The following SRGAP2C variants were observed in gnomAD, a reference collection of about 807,000 sequenced individuals.
SRGAP2C encodes the protein SLIT-ROBO Rho GTPase activating protein 2C, also known as SLIT-ROBO Rho GTPase-activating protein 2C.
SRGAP2C carries 15 observed loss-of-function variants against 25.1 expected under a neutral mutation model. The observed-to-expected ratio is 0.60, with a 90% CI of 0.40 to 0.92. The LOEUF (loss-of-function observed/expected upper bound fraction) is 0.92. Among genes scored for constraint, SRGAP2C ranks in the 40% least tolerant of loss-of-function variants. The pLI, the probability that SRGAP2C is intolerant of heterozygous loss-of-function variation, is 0.00. For synonymous variants in SRGAP2C, 44 were observed against 96.6 expected, an observed-to-expected ratio of 0.46 and a Z score of 3.19; for missense variants, 144 against 264.4, an observed-to-expected ratio of 0.54 and a Z score of 3.16.
chr1:121,250,722 G>A (rs1553331307), intron 2 of SRGAP2C, among the ~76,000 whole-genome samples: 1 of 93,510 alleles, frequency 1.1e-5, no homozygotes. Context: ...TGAAACAAGA[G>A]TGCATCCTAT....
At chr1:121,331,046 TAGGCATCTACCCAAG>T (rs1658417550) in intron 4 of SRGAP2C, among the ~76,000 whole-genome samples, 1 of 8,824 alleles carries the variant, frequency 1.1e-4, no homozygotes, top group Non-Finnish European at 1.7e-4. Flanking sequence ...CAGGTATTTA[TAGGCATCTACCCAAG>T]AGAAATAAAA....
chr1:121,339,428 G>GT (rs1265745037), intron 4 of SRGAP2C, among the ~76,000 whole-genome samples: 6 of 148,780 alleles, frequency 4.0e-5, no homozygotes, highest in Non-Finnish European at 8.9e-5. Flanking sequence ...AGTTTTTTGT[G>GT]TTTTTTTAGT....
intron 4 of SRGAP2C, among the ~76,000 whole-genome samples, chr1:121,334,756 A>T (rs1256709263): frequency 1.3e-5 from 2 of 150,630 alleles, no homozygotes; most frequent in Non-Finnish European, 2.9e-5. Flanking sequence ...TAATATCCAG[A>T]CAATCCCTGA....
At chr1:121,191,582 G>T (rs1476864235) in intron 2 of SRGAP2C, among the ~76,000 whole-genome samples, 2 of 148,792 alleles carry the variant, frequency 1.3e-5, no homozygotes. Context: ...TTGGCCTCTA[G>T]CCTGTTAGCT....
At chr1:121,321,767 C>A (rs1358655732) in intron 3 of SRGAP2C, among the ~76,000 whole-genome samples, 2 of 152,002 alleles carry the variant, frequency 1.3e-5, no homozygotes, top group Non-Finnish European at 1.5e-5. Flanking sequence ...ATTTCTACTT[C>A]CAGCCATCCT....
At chr1:121,222,354 C>T (rs587632493) in intron 2 of SRGAP2C, among the ~76,000 whole-genome samples, 41 of 152,128 alleles carry the variant, frequency 2.7e-4, no homozygotes, top group East Asian at 2.1e-3. Flanking sequence ...TTTGGGTTGG[C>T]GCTGTGGCTC....
chr1:121,321,859 G>T (rs1301266911), intron 3 of SRGAP2C, among the ~76,000 whole-genome samples: 2 of 152,216 alleles, frequency 1.3e-5, no homozygotes, highest in Admixed American at 6.5e-5. Context: ...TTCCCATGGT[G>T]TTAGGTTGAT....
intron 2 of SRGAP2C, among the ~76,000 whole-genome samples, chr1:121,198,640 C>A (rs1330354040): frequency 1.4e-5 from 2 of 145,332 alleles, no homozygotes; most frequent in Non-Finnish European, 3.0e-5. Context: ...ACATTGAAAT[C>A]CCTTAGAAAT....
intron 4 of SRGAP2C, among the ~76,000 whole-genome samples, chr1:121,328,965 G>T (rs1553341940): frequency 7.6e-6 from 1 of 131,200 alleles, no homozygotes; most frequent in African/African-American, 2.8e-5. Context: ...TAATCGCAGC[G>T]CTTTGGGAGG....
At chr1:121,370,709 G>A (rs587598585) in intron 5 of SRGAP2C, among the ~76,000 whole-genome samples, 1 of 152,122 alleles carries the variant, frequency 6.6e-6, no homozygotes, top group South Asian at 2.1e-4. Flanking sequence ...CTCCCAAAGT[G>A]CTGGGATTAC....
chr1:121,377,356 C>G (rs1659694885), intron 7 of SRGAP2C, among the ~76,000 whole-genome samples: 1 of 72,414 alleles, frequency 1.4e-5, no homozygotes, highest in South Asian at 3.7e-4. Context: ...GCAAGCTCCA[C>G]CTCCCAGGTT....
chr1:121,286,080 C>G (rs1657359402), intron 3 of SRGAP2C, among the ~76,000 whole-genome samples: 1 of 152,142 alleles, frequency 6.6e-6, no homozygotes, highest in South Asian at 2.1e-4. Flanking sequence ...GGCCCCCATG[C>G]AGCCCACAGG....
chr1:121,289,377 C>G lies in SRGAP2C; in HGVS notation c.260+4382C>G, dbSNP rs1302372282. On this transcript the variant is annotated intron_variant, in intron 3 of 9. Coordinates refer to ENST00000367123, the MANE Select transcript of SRGAP2C (RefSeq NM_001329984.2). Reference sequence around the variant, plus strand: ...TAAGTCCCCCATTGCCCGGGGCCAGCAGGGCTGGCTGGCTGCTCCGAGTGC... The same window carrying G: ...TAAGTCCCCCATTGCCCGGGGCCAGGAGGGCTGGCTGGCTGCTCCGAGTGC... Among the ~76,000 whole-genome samples, 3 of 151,952 alleles carry G rather than the reference C, an allele frequency of 2.0e-5. No individual in the cohort carries two copies. The East Asian group carries it at 6.0e-4, about 30-fold the overall frequency.
chr1:121,285,058 G>C, intron 3 of SRGAP2C, 63 bp downstream of exon 3: 1 of 684,240 alleles, frequency 1.5e-6, no homozygotes, highest in South Asian at 2.2e-5. Context: ...GTGGAGGGGG[G>C]CAGGGTATGC....
intron 2 of SRGAP2C, among the ~76,000 whole-genome samples, chr1:121,188,400 C>T (rs1274452792): frequency 6.6e-6 from 1 of 151,356 alleles, no homozygotes; most frequent in Non-Finnish European, 1.5e-5. Flanking sequence ...GTTTTTTAAA[C>T]CAGCAATTCC....
chr1:121,357,607 A>G (rs1553347864), intron 4 of SRGAP2C, among the ~76,000 whole-genome samples: 2 of 140,858 alleles, frequency 1.4e-5, no homozygotes, highest in Non-Finnish European at 3.1e-5. Flanking sequence ...AAACTGGGGA[A>G]GAAAAAGATT....
At chr1:121,222,480 T>A (rs1406452580) in intron 2 of SRGAP2C, among the ~76,000 whole-genome samples, 1 of 151,920 alleles carries the variant, frequency 6.6e-6, no homozygotes, top group Non-Finnish European at 1.5e-5. Context: ...AATTTAAAAA[T>A]TAGCTGGACT....
chr1:121,291,215 C>T (rs1480873332), intron 3 of SRGAP2C, among the ~76,000 whole-genome samples: 1 of 123,854 alleles, frequency 8.1e-6, no homozygotes, highest in African/African-American at 3.1e-5. Flanking sequence ...AAGCATAGAA[C>T]CATAATGGTC....
intron 3 of SRGAP2C, among the ~76,000 whole-genome samples, chr1:121,321,782 A>T (rs1658209027): frequency 6.6e-6 from 1 of 152,088 alleles, no homozygotes; most frequent in Non-Finnish European, 1.5e-5. Context: ...CATCCTGTTT[A>T]TTGACCCATC....
Sources: allele counts gnomAD v4.1 joint callset (sites outside exome capture counted in the v4.1 genomes callset), GRCh38; gene constraint gnomAD v4.1.1; transcripts MANE v1.5; gene names NCBI Gene and HGNC (gene_info 2026-07-23, HGNC 2026-07-21).